The following LCLAT1 variants were observed in gnomAD, a reference collection of about 807,000 sequenced individuals.
LCLAT1 encodes lysocardiolipin acyltransferase 1, also known as 1-AGP acyltransferase 8.
Under a neutral mutation model 30.7 loss-of-function variants are expected in LCLAT1, and 11 were observed. The observed-to-expected ratio is 0.36, with a 90% CI of 0.23 to 0.59. The LOEUF (loss-of-function observed/expected upper bound fraction) is 0.59, where lower values mean the gene tolerates loss of function less well. LCLAT1 is among the 20% of genes least tolerant of loss of function. The pLI, the probability that LCLAT1 is intolerant of heterozygous loss-of-function variation, is 0.77. For missense variants in LCLAT1, 402 were observed against 458.6 expected, an observed-to-expected ratio of 0.88 and a Z score of 1.13; for synonymous variants, 155 against 151.3, an observed-to-expected ratio of 1.02 and a Z score of -0.18.
chr2:30,497,603 T>C (rs1425710423), intron 1 of LCLAT1, among the ~76,000 whole-genome samples: 1 of 152,240 alleles, frequency 6.6e-6, no homozygotes, highest in African/African-American at 2.4e-5. Context: ...GACTTAATGC[T>C]TTTGCTTAAG....
chr2:30,610,023 C>T (rs899237341), intron 5 of LCLAT1, among the ~76,000 whole-genome samples: 6 of 151,980 alleles, frequency 3.9e-5, no homozygotes, highest in Non-Finnish European at 7.4e-5. Flanking sequence ...AGGCAATGAC[C>T]GATTTTTGAA....
intron 1 of LCLAT1, among the ~76,000 whole-genome samples, chr2:30,450,933 C>T (rs1343634739): frequency 6.6e-6 from 1 of 152,128 alleles, no homozygotes; most frequent in Non-Finnish European, 1.5e-5. Context: ...AAAATATGGA[C>T]CGGAAGAAGA....
intron 5 of LCLAT1, among the ~76,000 whole-genome samples, chr2:30,603,110 A>C (rs375188939): frequency 6.6e-6 from 1 of 152,272 alleles, no homozygotes; most frequent in East Asian, 1.9e-4. Context: ...ATATCTAAGA[A>C]ATTTAGCATC....
At chr2:30,521,439 T>C (rs1685461500) in intron 1 of LCLAT1, among the ~76,000 whole-genome samples, 1 of 150,530 alleles carries the variant, frequency 6.6e-6, no homozygotes, top group Admixed American at 6.6e-5. Flanking sequence ...TTTGCTGTAA[T>C]GTGACCTAAC....
In LCLAT1 at chr2:30,464,761, G is replaced by T. The variant is rs147786019; in HGVS notation, c.-5+17378G>T. Reference sequence around the variant, plus strand: ...AGTGGTGTTTGTTTGCAGTGTCTAGGGTCAGAAGGCCTATGACCTTGTCAT... The same window carrying T: ...AGTGGTGTTTGTTTGCAGTGTCTAGTGTCAGAAGGCCTATGACCTTGTCAT... On this transcript the variant is annotated intron_variant, in intron 1 of 5. Coordinates refer to ENST00000379509, the MANE Select transcript of LCLAT1 (RefSeq NM_001002257.3). Among the ~76,000 whole-genome samples, 284 of 152,266 alleles carry T rather than the reference G, an allele frequency of 1.9e-3. 1 individual carries two copies. The highest frequency in any genetic ancestry group is 6.7e-3 in the African/African-American group (278 of 41,546).
At chr2:30,548,957 T>A (rs1415371817) in intron 3 of LCLAT1, among the ~76,000 whole-genome samples, 1 of 152,216 alleles carries the variant, frequency 6.6e-6, no homozygotes, top group Non-Finnish European at 1.5e-5. Flanking sequence ...GCTTAGCCTT[T>A]ACTTTCTTCC....
intron 1 of LCLAT1, among the ~76,000 whole-genome samples, chr2:30,497,390 G>A (rs1684170822): frequency 6.6e-6 from 1 of 152,100 alleles, no homozygotes; most frequent in South Asian, 2.1e-4. Flanking sequence ...AGGATTCTAG[G>A]TATAATCAAG....
At chr2:30,606,235 A>C in intron 5 of LCLAT1, 1 of 316,892 alleles carries the variant, frequency 3.2e-6, no homozygotes, top group Non-Finnish European at 6.3e-6. Flanking sequence ...ATTAGAAAAA[A>C]CTCTTAAAAT....
At chr2:30,530,680 A>G (rs565068160) in intron 2 of LCLAT1, among the ~76,000 whole-genome samples, 9 of 152,094 alleles carry the variant, frequency 5.9e-5, no homozygotes, top group Non-Finnish European at 1.2e-4. Flanking sequence ...TGCGTAGCTA[A>G]GGCTCTGGGC....
intron 5 of LCLAT1, among the ~76,000 whole-genome samples, chr2:30,630,479 T>G (rs1279172789): frequency 6.6e-6 from 1 of 152,382 alleles, no homozygotes; most frequent in East Asian, 1.9e-4. Context: ...TTCTATAGAC[T>G]TAACTTGCAT....
chr2:30,553,747 G>GTTA (rs1270261577), intron 3 of LCLAT1, among the ~76,000 whole-genome samples: 11 of 152,032 alleles, frequency 7.2e-5, no homozygotes, highest in Non-Finnish European at 1.0e-4. Context: ...CCCGGGAAGC[G>GTTA]GAGCTTGCAG....
intron 3 of LCLAT1, among the ~76,000 whole-genome samples, chr2:30,551,011 C>G (rs192270513): frequency 6.6e-6 from 1 of 152,128 alleles, no homozygotes; most frequent in East Asian, 1.9e-4. Flanking sequence ...CAGGGTCTTG[C>G]TCTGTCATCC....
intron 3 of LCLAT1, among the ~76,000 whole-genome samples, chr2:30,539,248 CTTTT>C (rs72012748): frequency 2.1e-4 from 19 of 90,864 alleles, no homozygotes; most frequent in Admixed American, 1.0e-3. Context: ...CGCGCCAGGC[CTTTT>C]TTTTTTTTTT....
At chr2:30,501,521 A>C (rs1220236260) in intron 1 of LCLAT1, among the ~76,000 whole-genome samples, 2 of 152,236 alleles carry the variant, frequency 1.3e-5, no homozygotes, top group Admixed American at 6.5e-5. Context: ...ATACAAAAAA[A>C]AAAATTAGTT....
intron 1 of LCLAT1, among the ~76,000 whole-genome samples, chr2:30,448,302 A>C (rs562678335): frequency 6.6e-6 from 1 of 152,252 alleles, no homozygotes; most frequent in Non-Finnish European, 1.5e-5. Context: ...ATGAAGTATA[A>C]CTACGTGGGT....
chr2:30,616,772 G>T (rs1308746272), intron 5 of LCLAT1, among the ~76,000 whole-genome samples: 1 of 151,878 alleles, frequency 6.6e-6, no homozygotes, highest in East Asian at 1.9e-4. Flanking sequence ...TGAAAAGCTT[G>T]TCGGATATGT....
At chr2:30,602,235 G>A (rs1667225901) in intron 5 of LCLAT1, among the ~76,000 whole-genome samples, 1 of 152,204 alleles carries the variant, frequency 6.6e-6, no homozygotes, top group African/African-American at 2.4e-5. Flanking sequence ...CAGTGTAGCA[G>A]ATAGATTGCT....
chr2:30,569,295 T>C (rs1665664959), intron 5 of LCLAT1, among the ~76,000 whole-genome samples: 1 of 152,224 alleles, frequency 6.6e-6, no homozygotes, highest in Admixed American at 6.5e-5. Context: ...CAATTGTACT[T>C]TTTAATTATA....
At chr2:30,553,472 G>C (rs891243413) in intron 3 of LCLAT1, among the ~76,000 whole-genome samples, 1 of 152,172 alleles carries the variant, frequency 6.6e-6, no homozygotes, top group Non-Finnish European at 1.5e-5. Flanking sequence ...CCCAGCCCTC[G>C]TCTGAGAAAT....
Sources: allele counts gnomAD v4.1 joint callset (sites outside exome capture counted in the v4.1 genomes callset), GRCh38; gene constraint gnomAD v4.1.1; transcripts MANE v1.5; gene names NCBI Gene and HGNC (gene_info 2026-07-23, HGNC 2026-07-21).